Variants in CNTLN observed in about 807,000 individuals in gnomAD.
CNTLN encodes centlein.
A neutral mutation model predicts 180.0 loss-of-function variants in CNTLN; 212 were observed. That is an observed-to-expected ratio of 1.18 (90% CI 1.05 to 1.32). The LOEUF is 1.32. Among genes scored for constraint, CNTLN ranks in the 40% most tolerant of loss-of-function variants. The pLI is 0.00. For missense variants in CNTLN, 2,095 were observed against 1,610.9 expected, an observed-to-expected ratio of 1.30 and a Z score of -5.14; for synonymous variants, 722 against 563.1, an observed-to-expected ratio of 1.28 and a Z score of -3.99.
intron 7 of CNTLN, chr9:17,299,399 C>T (rs976007347): frequency 2.1e-6 from 2 of 930,838 alleles, no homozygotes; most frequent in Non-Finnish European, 2.6e-6. Context: ...TTAAATAATA[C>T]ACAGTTCATA....
rs968124963 is a variant in CNTLN, at chr9:17,331,858, G to A, written c.1519-747G>A. On this transcript the variant is annotated intron_variant, in intron 9 of 25. Coordinates refer to ENST00000380647, the MANE Select transcript of CNTLN (RefSeq NM_017738.4). ...AATACAGCATTACCGGGCCTAATTTGGTTGCTTGCTCGATTGCTGAAATTT... is the reference window on the plus strand; with the variant it reads ...AATACAGCATTACCGGGCCTAATTTAGTTGCTTGCTCGATTGCTGAAATTT... Among the ~76,000 whole-genome samples the A allele has an allele frequency of 4.6e-5, 7 of 151,852 alleles. No individual in the cohort carries two copies. In the East Asian group the frequency reaches 1.3e-3, roughly 29 times the overall value.
At chr9:17,463,343 G>T (rs1831560169) in intron 20 of CNTLN, among the ~76,000 whole-genome samples, 2 of 151,556 alleles carry the variant, frequency 1.3e-5, no homozygotes, top group African/African-American at 4.8e-5. Flanking sequence ...ATTAGTATTT[G>T]TATTGGATTT....
intron 8 of CNTLN, among the ~76,000 whole-genome samples, chr9:17,325,372 GTATGTA>G (rs1172772279): frequency 1.1e-4 from 6 of 52,714 alleles, no homozygotes; most frequent in South Asian, 3.3e-3. Context: ...GTGTGCATGT[GTATGTA>G]TGTGTGTGTG....
intron 8 of CNTLN, among the ~76,000 whole-genome samples, chr9:17,318,987 T>C (rs766025840): frequency 3.3e-5 from 5 of 152,164 alleles, no homozygotes; most frequent in Admixed American, 6.5e-5. Flanking sequence ...ATGAATCTTA[T>C]AGATAGGAAT....
intron 13 of CNTLN, among the ~76,000 whole-genome samples, chr9:17,369,839 T>G (rs575989750): frequency 7.3e-5 from 11 of 151,722 alleles, no homozygotes; most frequent in African/African-American, 2.7e-4. Flanking sequence ...ATACAAACAT[T>G]AGCCAGGCAT....
intron 18 of CNTLN, among the ~76,000 whole-genome samples, chr9:17,425,254 G>A (rs1399533581): frequency 6.6e-6 from 1 of 152,050 alleles, no homozygotes; most frequent in Non-Finnish European, 1.5e-5. Flanking sequence ...TGGGAGATGG[G>A]GCCTTTGGGA....
chr9:17,416,969 T>C (rs747192469), intron 18 of CNTLN, among the ~76,000 whole-genome samples: 1 of 152,160 alleles, frequency 6.6e-6, no homozygotes, highest in African/African-American at 2.4e-5. Flanking sequence ...TAGTATCTAG[T>C]GCTTTGATTC....
chr9:17,359,874 TG>T (rs367644578), intron 12 of CNTLN, among the ~76,000 whole-genome samples: 3 of 151,380 alleles, frequency 2.0e-5, no homozygotes, highest in African/African-American at 7.3e-5. Context: ...CACTCCAGCC[TG>T]GGCAACAGAG....
intron 1 of CNTLN, among the ~76,000 whole-genome samples, chr9:17,136,212 G>T (rs1318651856): frequency 1.3e-5 from 2 of 152,124 alleles, no homozygotes; most frequent in Non-Finnish European, 2.9e-5. Context: ...CTTTAGATAG[G>T]GTTGGGAGAT....
the CNTLN span, among the ~76,000 whole-genome samples, chr9:17,509,644 C>CT: frequency 6.6e-6 from 1 of 152,146 alleles, no homozygotes; most frequent in African/African-American, 2.4e-5. Flanking sequence ...CCCCAGAAGG[C>CT]TGTATACACT....
intron 5 of CNTLN, among the ~76,000 whole-genome samples, chr9:17,244,512 C>T (rs1825689808): frequency 6.6e-6 from 1 of 152,198 alleles, no homozygotes; most frequent in South Asian, 2.1e-4. Context: ...ACCACCATGC[C>T]TGGTCCCCTG....
chr9:17,361,104 A>G (rs374130176), intron 12 of CNTLN, among the ~76,000 whole-genome samples: 1 of 152,226 alleles, frequency 6.6e-6, no homozygotes, highest in East Asian at 1.9e-4. Flanking sequence ...GTACATGTGC[A>G]CAACGTGCAG....
chr9:17,388,128 G>A lies in CNTLN; in HGVS notation c.1988-34G>A, dbSNP rs750262763. 2.4e-5 allele frequency: 33 copies of A among 1,381,414 alleles called. No individual in the cohort carries two copies. The South Asian group carries it at 2.9e-4, about 12-fold the overall frequency. 85.6% of individuals were successfully genotyped at this position (1,381,414 alleles called of 1,614,324 possible). The stretch of plus-strand genomic sequence containing the variant: ...ACAGGACAGTATTTCAGCAGTACAC[G>A]TGGTATCATAATATATTATTTATTC... On this transcript the variant is annotated intron_variant, in intron 13 of 25. Transcript: ENST00000380647.
intron 6 of CNTLN, among the ~76,000 whole-genome samples, chr9:17,283,958 G>C (rs549924679): frequency 6.6e-6 from 1 of 152,108 alleles, no homozygotes; most frequent in Non-Finnish European, 1.5e-5. Flanking sequence ...CTTGATCGTG[G>C]TGGATAAGCT....
intron 6 of CNTLN, among the ~76,000 whole-genome samples, chr9:17,284,550 G>A (rs917170325): frequency 1.3e-5 from 2 of 152,136 alleles, no homozygotes; most frequent in East Asian, 3.8e-4. Flanking sequence ...TTTGCATAGA[G>A]GTATTTATAG....
chr9:17,387,007 C>T (rs976139439), intron 13 of CNTLN, among the ~76,000 whole-genome samples: 1 of 152,144 alleles, frequency 6.6e-6, no homozygotes, highest in African/African-American at 2.4e-5. Flanking sequence ...GGTACTTATT[C>T]CCCAGGTGGC....
At chr9:17,180,442 A>T (rs1047215336) in intron 2 of CNTLN, among the ~76,000 whole-genome samples, 3 of 150,594 alleles carry the variant, frequency 2.0e-5, no homozygotes, top group Non-Finnish European at 4.4e-5. Flanking sequence ...CATTTATAAT[A>T]GAAACCTTTC....
chr9:17,221,368 A>G (rs1231012048), intron 2 of CNTLN, among the ~76,000 whole-genome samples: 1 of 152,118 alleles, frequency 6.6e-6, no homozygotes, highest in Non-Finnish European at 1.5e-5. Context: ...GAAATTCATC[A>G]GTTTCTGAAA....
At chr9:17,258,769 T>C (rs1826712891) in intron 5 of CNTLN, among the ~76,000 whole-genome samples, 1 of 146,546 alleles carries the variant, frequency 6.8e-6, no homozygotes, top group Non-Finnish European at 1.5e-5. Flanking sequence ...GATTTGGCTC[T>C]CTGTTTGTCT....
Sources: gnomAD v4.1 joint callset for allele counts (sites outside exome capture counted in the v4.1 genomes callset) on GRCh38, gnomAD v4.1.1 for gene constraint, MANE v1.5 for transcripts, NCBI Gene and HGNC (gene_info 2026-07-23, HGNC 2026-07-21) for gene names.